GLIPR1: variants seen among roughly 807,000 people sequenced by gnomAD.
The protein encoded by GLIPR1 is glioma pathogenesis-related protein 1.
A neutral mutation model predicts 30.3 loss-of-function variants in GLIPR1; 38 were observed. That is an observed-to-expected ratio of 1.26 (90% CI 0.97 to 1.65). GLIPR1 has a LOEUF of 1.65. Ranked by LOEUF, GLIPR1 falls within the 40% of genes most tolerant of loss-of-function variation. The pLI, the probability that GLIPR1 is intolerant of heterozygous loss-of-function variation, is 0.00. For missense variants in GLIPR1, 285 were observed against 326.5 expected, an observed-to-expected ratio of 0.87 and a Z score of 0.98; for synonymous variants, 122 against 110.6, an observed-to-expected ratio of 1.10 and a Z score of -0.65.
intron 3 of GLIPR1, chr12:75,492,742 GT>G (rs1294973575): frequency 6.6e-6 from 1 of 152,090 alleles, no homozygotes; most frequent in African/African-American, 2.4e-5. Context: ...ACAAATATTT[GT>G]TTTACTGAGC....
At chr12:75,481,217 C>T (rs748714925) in intron 1 of GLIPR1, 163 bp downstream of exon 1, 3 of 510,588 alleles carry the variant, frequency 5.9e-6, no homozygotes, top group African/African-American at 2.0e-5. Context: ...CAGTTTAGCT[C>T]TGTCTACCCA....
Position 75,500,587 on chromosome 12 carries a change from AT to A in GLIPR1, c.*1613del, listed in dbSNP as rs1470627942. 18 of 152,064 alleles carry A rather than the reference AT, an allele frequency of 1.2e-4. No individual in the cohort carries two copies. Among genetic ancestry groups the A allele is most frequent in the Non-Finnish European group, 2.5e-4 (17 of 67,984 alleles). The allele number at this position is 152,064 out of a possible 1,614,324, so 9.4% of individuals were successfully genotyped here. A position where few individuals can be genotyped will look rare whatever the true frequency, so the allele number is the denominator to read the frequency against. On this transcript the variant is annotated 3_prime_UTR_variant, in exon 6 of 6. Transcript: ENST00000266659. ...ACAAGATTTTGGTATATTTAACAACATTTTGGTAATAAAGACAATAATTTGA... is the reference window on the plus strand; with the variant it reads ...ACAAGATTTTGGTATATTTAACAACATTTGGTAATAAAGACAATAATTTGA...
Position 75,502,485 on chromosome 12 carries a change from C to A in GLIPR1, c.*3507C>A, listed in dbSNP as rs1197908999. ...CTATCAGGAATTGGTGACTAATTAGCAAAAGCAACAGCTTGTTCATTCAAT... is the reference window on the plus strand; with the variant it reads ...CTATCAGGAATTGGTGACTAATTAGAAAAAGCAACAGCTTGTTCATTCAAT... On this transcript the variant is annotated 3_prime_UTR_variant, in exon 6 of 6. Transcript: ENST00000266659. 6.5e-6 allele frequency: 1 copy of A among 153,430 alleles called. No homozygotes were observed. Among genetic ancestry groups the A allele is most frequent in the Non-Finnish European group, 1.5e-5 (1 of 68,922 alleles). The allele number at this position is 153,430 out of a possible 1,614,324, so 9.5% of individuals were successfully genotyped here. A position where few individuals can be genotyped will look rare whatever the true frequency, so the allele number is the denominator to read the frequency against.
chr12:75,490,801 C>A, intron 3 of GLIPR1: 1 of 226,552 alleles, frequency 4.4e-6, no homozygotes, highest in Non-Finnish European at 8.8e-6. Flanking sequence ...AGTGGTAAGA[C>A]TAAAATATTC....
At position 75,501,625 on chromosome 12, in the gene GLIPR1, T is replaced by C. The variant is rs1367518460; in HGVS notation, c.*2647T>C. 1 of 763,160 alleles carries C rather than the reference T, an allele frequency of 1.3e-6. No individual in the cohort carries two copies. Among genetic ancestry groups the C allele is most frequent in the Admixed American group, 2.5e-5 (1 of 40,578 alleles). The allele number at this position is 763,160 out of a possible 1,614,324, so 47.3% of individuals were successfully genotyped here. A position where few individuals can be genotyped will look rare whatever the true frequency, so the allele number is the denominator to read the frequency against. ...ATTAATGAAATGCTAAGAGAACTGA[T>C]GAAAAGATACAACTGTTTCTTAAAA... On this transcript the variant is annotated 3_prime_UTR_variant, in exon 6 of 6. Transcript: ENST00000266659.
At position 75,501,741 on chromosome 12, in the gene GLIPR1, T is replaced by C. The variant is rs765462145; in HGVS notation, c.*2763T>C. On this transcript the variant is annotated 3_prime_UTR_variant, in exon 6 of 6. Transcript: ENST00000266659. Reference sequence around the variant, plus strand: ...GCATTACCTTCCTTAGGTTTCACAATTGGTTTTTCCTTAGGTGGAATAAAT... The same window carrying C: ...GCATTACCTTCCTTAGGTTTCACAACTGGTTTTTCCTTAGGTGGAATAAAT... 5.6e-6 allele frequency: 9 copies of C among 1,607,960 alleles called. No homozygotes were observed. The highest frequency in any genetic ancestry group is 1.3e-5 in the African/African-American group (1 of 74,756).
chr12:75,495,709 T>A, intron 4 of GLIPR1, 47 bp downstream of exon 4: 1 of 1,053,442 alleles, frequency 9.5e-7, no homozygotes, highest in African/African-American at 1.6e-5. Flanking sequence ...AATAGTAACA[T>A]GTAACTTTCT....
Position 75,498,909 on chromosome 12 carries a change from TCTAATA to T in GLIPR1, c.735_740del (p.Ile246_Leu247del), listed in dbSNP as rs2046370162. ...TCTTTCTCATTGTTAATTCAGTAAT[TCTAATA>T]CTGTCTGTTATAATTACCATTTTGG... On this transcript the variant is annotated inframe_deletion, in exon 6 of 6. Coordinates refer to ENST00000266659, the MANE Select transcript of GLIPR1 (RefSeq NM_006851.3). 4 of 1,605,030 alleles carry T rather than the reference TCTAATA, an allele frequency of 2.5e-6. No individual in the cohort carries two copies. Among genetic ancestry groups the T allele is most frequent in the South Asian group, 1.1e-5 (1 of 90,772 alleles).
rs148145944 is a variant in GLIPR1 at position 75,499,529 on chromosome 12, C to T, written c.*551C>T. The T allele has an allele frequency of 9.6e-5, 19 of 196,920 alleles. No homozygotes were observed. In the East Asian group the frequency reaches 2.4e-3, roughly 25 times the overall value. 12.2% of individuals were successfully genotyped at this position (196,920 alleles called of 1,614,324 possible). A position where few individuals can be genotyped will look rare whatever the true frequency, so the allele number is the denominator to read the frequency against. ...ATCATTAGAGAGGGAACATCAAATG[C>T]TGGGACATCATTACTAACCAATAGC... On this transcript the variant is annotated 3_prime_UTR_variant, in exon 6 of 6. Transcript: ENST00000266659.
At chr12:75,484,238 A>C (rs996370534) in intron 2 of GLIPR1, 1 of 152,236 alleles carries the variant, frequency 6.6e-6, no homozygotes, top group African/African-American at 2.4e-5. Flanking sequence ...GGCACTCATC[A>C]CGGGGAGAAT....
chr12:75,493,104 G>A (rs919025055), intron 3 of GLIPR1: 2 of 152,120 alleles, frequency 1.3e-5, no homozygotes, highest in African/African-American at 2.4e-5. Flanking sequence ...ATGAAACGGG[G>A]GGAGGAAGGC....
intron 3 of GLIPR1, chr12:75,491,101 A>G (rs1376165390): frequency 6.6e-6 from 1 of 152,186 alleles, no homozygotes; most frequent in Non-Finnish European, 1.5e-5. Flanking sequence ...TACATTTTCT[A>G]TTTTTCACTT....
intron 4 of GLIPR1, chr12:75,497,313 A>G (rs185466132): frequency 6.6e-6 from 1 of 152,302 alleles, no homozygotes; most frequent in African/African-American, 2.4e-5. Context: ...ATGCTCTTTA[A>G]TCTTGGGGAA....
chr12:75,484,345 T>C (rs959439113), intron 2 of GLIPR1: 3 of 152,216 alleles, frequency 2.0e-5, no homozygotes, highest in Non-Finnish European at 4.4e-5. Flanking sequence ...CTCATTCAAT[T>C]ATTACCACAA....
At chr12:75,493,922 C>T (rs1034166105) in intron 3 of GLIPR1, 2 of 152,184 alleles carry the variant, frequency 1.3e-5, no homozygotes, top group Non-Finnish European at 2.9e-5. Flanking sequence ...TTGGAATGCA[C>T]AACTAAGTAT....
At position 75,495,615 on chromosome 12, in the gene GLIPR1, C is replaced by T. The variant is rs2046345645; in HGVS notation, c.572C>T (p.Thr191Ile). 1.9e-6 allele frequency: 3 copies of T among 1,611,532 alleles called. No individual in the cohort carries two copies. In the East Asian group the frequency reaches 6.7e-5, roughly 36 times the overall value. The change falls in exon 4 of 6, where the codon ACC becomes ATC. Residue 191 changes from threonine to isoleucine, a missense_variant. Coordinates refer to ENST00000266659, the MANE Select transcript of GLIPR1 (RefSeq NM_006851.3). The stretch of plus-strand genomic sequence containing the variant: ...ACTTGGCCATATAAGAGAGGAGCCA[C>T]CTGCAGTGCCTGCCCCAATAATGAC... The part of the protein sequence containing the change: ...YPTWPYKRGA[T>I]CSACPNNDKC...
At chr12:75,490,354 C>G in intron 2 of GLIPR1, 52 bp from the exon 3 acceptor site, 1 of 991,420 alleles carries the variant, frequency 1.0e-6, no homozygotes, top group East Asian at 2.4e-5. Context: ...CTAATCATAC[C>G]CAATGTTTAT....
chr12:75,498,155 T>G (rs1334920394), intron 4 of GLIPR1: 1 of 152,286 alleles, frequency 6.6e-6, no homozygotes, highest in Non-Finnish European at 1.5e-5. Context: ...AGTTGTGGAA[T>G]TTATTTCTTC....
At chr12:75,485,533 T>TTTTATTATTTATTTA (rs1555239140) in intron 2 of GLIPR1, among the ~76,000 whole-genome samples, 62 of 110,498 alleles carry the variant, frequency 5.6e-4, no homozygotes, top group Non-Finnish European at 1.1e-3. Context: ...GACAGCTTTA[T>TTTTATTATTTATTTA]TTTATTTATT....
Sources: gnomAD v4.1 joint callset for allele counts (sites outside exome capture counted in the v4.1 genomes callset) on GRCh38, gnomAD v4.1.1 for gene constraint, MANE v1.5 for transcripts, NCBI Gene and HGNC (gene_info 2026-07-23, HGNC 2026-07-21) for gene names.